The following PKNOX2 variants were observed in gnomAD, a reference collection of about 807,000 sequenced individuals.
The protein encoded by PKNOX2 is PBX/knotted 1 homeobox 2, also known as homeobox protein PKNOX2.
A neutral mutation model predicts 53.1 loss-of-function variants in PKNOX2; 14 were observed. That is an observed-to-expected ratio of 0.26 (90% CI 0.17 to 0.41). PKNOX2 has a LOEUF of 0.41. Among genes scored for constraint, PKNOX2 ranks in the 10% least tolerant of loss-of-function variants. PKNOX2 has a pLI of 1.00. For synonymous variants in PKNOX2, 257 were observed against 242.8 expected, an observed-to-expected ratio of 1.06 and a Z score of -0.54; for missense variants, 496 against 602.8, an observed-to-expected ratio of 0.82 and a Z score of 1.85.
chr11:125,255,635 G>C (rs12291825), intron 2 of PKNOX2, among the ~76,000 whole-genome samples: 36,174 of 151,892 alleles, frequency 0.24, 5,451 homozygotes, highest in Non-Finnish European at 0.33. Flanking sequence ...ACATAAACCA[G>C]ATATTTTCAG....
At chr11:125,345,590 A>T (rs933508812) in intron 3 of PKNOX2, among the ~76,000 whole-genome samples, 7 of 152,146 alleles carry the variant, frequency 4.6e-5, no homozygotes, top group African/African-American at 7.2e-5. Context: ...GCTTCTTTAG[A>T]TAAATCCACA....
At position 125,370,259 on chromosome 11, in the gene PKNOX2, A is replaced by C. The variant is rs1267138339; in HGVS notation, c.227+2274A>C. 2.0e-5 allele frequency among the ~76,000 whole-genome samples: 3 copies of C among 152,162 alleles called. No homozygotes were observed. The highest frequency in any genetic ancestry group is 4.4e-5 in the Non-Finnish European group (3 of 68,020). ...CGTGGAGGCACCTGGCCCTGCGTCC[A>C]GCACCAAACAGAGGGTTTACTCTGT... On this transcript the variant is annotated intron_variant, in intron 5 of 12. Coordinates refer to ENST00000298282, the MANE Select transcript of PKNOX2 (RefSeq NM_001382323.2). The surrounding 1 kb of genome is among the most constrained non-coding windows in gnomAD (Gnocchi z 4.1).
intron 2 of PKNOX2, among the ~76,000 whole-genome samples, chr11:125,238,196 A>G (rs1173733578): frequency 1.3e-5 from 2 of 152,244 alleles, no homozygotes; most frequent in Non-Finnish European, 2.9e-5. Flanking sequence ...ACCAAAGAGT[A>G]GAAACAACCA....
At chr11:125,393,871 A>G (rs887790784) in intron 6 of PKNOX2, among the ~76,000 whole-genome samples, 3 of 135,970 alleles carry the variant, frequency 2.2e-5, no homozygotes, top group Non-Finnish European at 4.6e-5. Flanking sequence ...TTATACTACC[A>G]CTTCCTCTAC....
At chr11:125,424,080 G>A (rs1274428199) in intron 10 of PKNOX2, among the ~76,000 whole-genome samples, 1 of 151,830 alleles carries the variant, frequency 6.6e-6, no homozygotes, top group Non-Finnish European at 1.5e-5. Flanking sequence ...GCAAGAAAGT[G>A]GTTACTGCAA....
chr11:125,167,456 G>C (rs956069040), intron 1 of PKNOX2, among the ~76,000 whole-genome samples: 1 of 152,162 alleles, frequency 6.6e-6, no homozygotes, highest in African/African-American at 2.4e-5. Flanking sequence ...AGAGCCCGAG[G>C]GGGGAGGGAG....
chr11:125,183,106 C>T (rs1458638909), intron 1 of PKNOX2, among the ~76,000 whole-genome samples: 2 of 152,136 alleles, frequency 1.3e-5, no homozygotes, highest in Non-Finnish European at 2.9e-5. Flanking sequence ...TTCCCAGCTC[C>T]TAGCCCAGGG....
intron 7 of PKNOX2, among the ~76,000 whole-genome samples, chr11:125,409,110 T>C (rs1416620821): frequency 6.6e-6 from 1 of 152,184 alleles, no homozygotes; most frequent in Admixed American, 6.5e-5. Context: ...GCAGGCCTCC[T>C]GAGGCTCCCA....
chr11:125,407,149 C>G (rs1955158529), intron 7 of PKNOX2, among the ~76,000 whole-genome samples: 1 of 152,112 alleles, frequency 6.6e-6, no homozygotes, highest in South Asian at 2.1e-4. Flanking sequence ...GGCTGCCTCT[C>G]AGCACCTTCC....
At chr11:125,375,656 G>A (rs1952791492) in intron 5 of PKNOX2, among the ~76,000 whole-genome samples, 1 of 152,192 alleles carries the variant, frequency 6.6e-6, no homozygotes, top group Admixed American at 6.5e-5. Context: ...CACTGAGTGT[G>A]TGTGGGTGTG....
intron 2 of PKNOX2, among the ~76,000 whole-genome samples, chr11:125,322,555 G>T (rs78381734): frequency 1.3e-4 from 20 of 152,288 alleles, no homozygotes; most frequent in African/African-American, 4.8e-4. Context: ...CGCTGCTCTC[G>T]TGGGGGTTTA....
chr11:125,298,374 C>T (rs79837374), intron 2 of PKNOX2, among the ~76,000 whole-genome samples: 2,433 of 152,288 alleles, frequency 0.016, 72 homozygotes, highest in African/African-American at 0.055. Context: ...GGAAGCGGCG[C>T]GTTTGTCACA....
At chr11:125,189,332 A>G (rs917515471) in intron 1 of PKNOX2, among the ~76,000 whole-genome samples, 2 of 132,568 alleles carry the variant, frequency 1.5e-5, no homozygotes, top group African/African-American at 5.5e-5. Context: ...GCCCACCAAG[A>G]GATACTTCTA....
chr11:125,175,258 A>T, intron 1 of PKNOX2, among the ~76,000 whole-genome samples: 1 of 147,390 alleles, frequency 6.8e-6, no homozygotes, highest in South Asian at 2.2e-4. Flanking sequence ...GAAAGAAGGA[A>T]GGAAGGAGGG....
intron 1 of PKNOX2, among the ~76,000 whole-genome samples, chr11:125,175,791 C>T (rs1460832857): frequency 2.6e-5 from 4 of 152,184 alleles, no homozygotes; most frequent in African/African-American, 4.8e-5. Context: ...GTGGCAATAA[C>T]ACCTACTGTC....
chr11:125,320,162 G>C (rs189373380), intron 2 of PKNOX2, among the ~76,000 whole-genome samples: 1 of 152,068 alleles, frequency 6.6e-6, no homozygotes, highest in Non-Finnish European at 1.5e-5. Context: ...AGAATGTTCC[G>C]GTGCTTTATG....
chr11:125,293,117 T>C (rs1023616435), intron 2 of PKNOX2, among the ~76,000 whole-genome samples: 1 of 151,982 alleles, frequency 6.6e-6, no homozygotes, highest in African/African-American at 2.4e-5. Context: ...ACATACAAAT[T>C]ATAACAGTCA....
At chr11:125,278,637 C>G (rs966559554) in intron 2 of PKNOX2, among the ~76,000 whole-genome samples, 4 of 152,092 alleles carry the variant, frequency 2.6e-5, no homozygotes, top group African/African-American at 9.7e-5. Flanking sequence ...AGGGAGGGGC[C>G]GACTTGCTGG....
chr11:125,240,676 C>T lies in PKNOX2; in HGVS notation c.-130+5561C>T, dbSNP rs1245151616. On this transcript the variant is annotated intron_variant, in intron 2 of 12. Transcript: ENST00000298282. The surrounding 1 kb of genome is among the most constrained non-coding windows in gnomAD (Gnocchi z 4.3). ...TTCTCTGTGGTGCCTGTCACTTCCA[C>T]CATTACCCATTCTCAGATCCTTCTC... 6.6e-6 allele frequency among the ~76,000 whole-genome samples: 1 copy of T among 152,152 alleles called. No individual in the cohort carries two copies. Among genetic ancestry groups the T allele is most frequent in the East Asian group, 1.9e-4 (1 of 5,182 alleles).
Sources: allele counts gnomAD v4.1 joint callset (sites outside exome capture counted in the v4.1 genomes callset), GRCh38; gene constraint gnomAD v4.1.1; non-coding constraint Gnocchi (gnomAD v3.1); transcripts MANE v1.5; gene names NCBI Gene and HGNC (gene_info 2026-07-23, HGNC 2026-07-21).